SNAP91: variants seen among roughly 807,000 people sequenced by gnomAD.
The protein encoded by SNAP91 is clathrin coat assembly protein AP180.
In SNAP91, 27 loss-of-function variants were observed where a neutral mutation model predicts 100.3. The observed-to-expected ratio is 0.27, with a 90% CI of 0.20 to 0.37. SNAP91 has a LOEUF of 0.37. Ranked by LOEUF, SNAP91 falls within the 10% of genes least tolerant of loss-of-function variation. The pLI, the probability that SNAP91 is intolerant of heterozygous loss-of-function variation, is 1.00. For synonymous variants in SNAP91, 404 were observed against 398.6 expected (o/e 1.01, Z -0.16); for missense variants, 986 against 1,123.7 (o/e 0.88, Z 1.75).
chr6:83,556,397 A>AG (rs1562072085), intron 28 of SNAP91, among the ~76,000 whole-genome samples, 152 bp from the exon 29 acceptor site: 456 of 37,670 alleles, frequency 0.012, 9 homozygotes, highest in Non-Finnish European at 0.013. Context: ...GAGAGAGAGA[A>AG]AAGCATTAGG....
chr6:83,579,410 G>A (rs924043016), intron 24 of SNAP91, among the ~76,000 whole-genome samples: 14 of 152,082 alleles, frequency 9.2e-5, no homozygotes, highest in African/African-American at 2.7e-4. Context: ...ACCTCTCCCC[G>A]GGTGTCATAA....
chr6:83,580,851 G>A (rs1562197164), intron 23 of SNAP91, among the ~76,000 whole-genome samples: 1 of 152,212 alleles, frequency 6.6e-6, no homozygotes, highest in East Asian at 1.9e-4. Flanking sequence ...GTACAGGAAT[G>A]AACTGGGCTT....
At position 83,688,941 on chromosome 6, in the gene SNAP91, G is replaced by A. The variant is rs148680127; in HGVS notation, c.130+18857C>T. 6.6e-5 allele frequency among the ~76,000 whole-genome samples: 10 copies of A among 152,264 alleles called. No homozygotes were observed. The East Asian group carries it at 9.6e-4, about 15-fold the overall frequency. ...TATAAGGCTCCCACTAGAGGCTGCC[G>A]TGTCTTTTCTGTTTTCCTACATCAT... On this transcript the variant is annotated intron_variant, in intron 2 of 29. Transcript: ENST00000369694.
At chr6:83,555,832 C>A (rs189838635) in intron 29 of SNAP91, among the ~76,000 whole-genome samples, 234 of 152,184 alleles carry the variant, frequency 1.5e-3, no homozygotes, top group Non-Finnish European at 2.6e-3. Context: ...AAATTCAAGT[C>A]ATCATGTAAT....
At chr6:83,558,435 A>G (rs536705178) in intron 28 of SNAP91, among the ~76,000 whole-genome samples, 1 of 152,378 alleles carries the variant, frequency 6.6e-6, no homozygotes, top group Admixed American at 6.5e-5. Flanking sequence ...ATAGACTAGA[A>G]AATTTCTCCT....
At chr6:83,614,563 C>T (rs1485263538) in intron 11 of SNAP91, among the ~76,000 whole-genome samples, 1 of 151,786 alleles carries the variant, frequency 6.6e-6, no homozygotes, top group Non-Finnish European at 1.5e-5. Context: ...CTTTTGTTTA[C>T]TAAACAAATA....
intron 2 of SNAP91, among the ~76,000 whole-genome samples, chr6:83,698,521 T>C (rs967112093): frequency 1.3e-5 from 2 of 151,968 alleles, no homozygotes; most frequent in African/African-American, 4.8e-5. Context: ...CATATAAAGC[T>C]AGGATCCTCA....
intron 2 of SNAP91, among the ~76,000 whole-genome samples, chr6:83,685,401 C>T (rs961220884): frequency 1.3e-5 from 2 of 152,154 alleles, no homozygotes; most frequent in East Asian, 3.8e-4. Flanking sequence ...ATAAATACTT[C>T]GGCTTTCCTT....
intron 8 of SNAP91, among the ~76,000 whole-genome samples, chr6:83,625,504 GTA>G (rs1366421385): frequency 2.0e-5 from 3 of 152,054 alleles, no homozygotes; most frequent in Non-Finnish European, 4.4e-5. Flanking sequence ...CCCACCAACA[GTA>G]TATATGAGTT....
At chr6:83,605,315 A>G (rs181534044) in intron 14 of SNAP91, among the ~76,000 whole-genome samples, 1 of 152,324 alleles carries the variant, frequency 6.6e-6, no homozygotes, top group Non-Finnish European at 1.5e-5. Flanking sequence ...GTTACCTTTG[A>G]GTAACCATAA....
At chr6:83,605,265 C>T (rs866670927) in intron 14 of SNAP91, among the ~76,000 whole-genome samples, 20 of 152,004 alleles carry the variant, frequency 1.3e-4, no homozygotes, top group South Asian at 6.2e-4. Flanking sequence ...CTAAAAGAAT[C>T]CAGGAACGAG....
intron 24 of SNAP91, among the ~76,000 whole-genome samples, 197 bp downstream of exon 24, chr6:83,580,253 A>G (rs1442799216): frequency 6.6e-6 from 1 of 152,134 alleles, no homozygotes; most frequent in Non-Finnish European, 1.5e-5. Context: ...TCGTGAGCCA[A>G]TGGCATAGGA....
chr6:83,603,391 T>A (rs1046714107), intron 14 of SNAP91, among the ~76,000 whole-genome samples: 1 of 149,188 alleles, frequency 6.7e-6, no homozygotes, highest in African/African-American at 2.6e-5. Flanking sequence ...TGCCTTTTTG[T>A]GATTTTTTTT....
chr6:83,572,610 C>T (rs1166947739), intron 26 of SNAP91, among the ~76,000 whole-genome samples: 1 of 152,036 alleles, frequency 6.6e-6, no homozygotes, highest in African/African-American at 2.4e-5. Context: ...ATGTTCTCAC[C>T]ACCTTGCCTT....
At chr6:83,603,728 G>GT (rs769673155) in intron 14 of SNAP91, among the ~76,000 whole-genome samples, 6 of 152,080 alleles carry the variant, frequency 3.9e-5, no homozygotes, top group Non-Finnish European at 7.4e-5. Flanking sequence ...GGCTCACAGC[G>GT]TGACTATAGA....
At chr6:83,574,878 A>C in intron 26 of SNAP91, 132 bp downstream of exon 26, 1 of 581,192 alleles carries the variant, frequency 1.7e-6, no homozygotes, top group South Asian at 2.5e-5. Flanking sequence ...CTGGAGTGCT[A>C]CTTGCTTATA....
rs2098546491 is a variant in SNAP91, at chr6:83,661,717, C to A, written c.350-113G>T. 1.1e-5 allele frequency: 6 copies of A among 528,646 alleles called. No individual in the cohort carries two copies. The Admixed American group carries it at 1.5e-4, about 13-fold the overall frequency. 32.7% of individuals were successfully genotyped at this position (528,646 alleles called of 1,614,324 possible). A position where few individuals can be genotyped will look rare whatever the true frequency, so the allele number is the denominator to read the frequency against. ...AATGGTGATAGTCCTAGGATAGGGT[C>A]AATAACTGTATCAGATAGATCTCAT... On this transcript the variant is annotated intron_variant, in intron 4 of 29. Coordinates refer to ENST00000369694, the MANE Select transcript of SNAP91 (RefSeq NM_001242792.2).
At chr6:83,597,145 A>G (rs754677624) in intron 16 of SNAP91, among the ~76,000 whole-genome samples, 3 of 152,152 alleles carry the variant, frequency 2.0e-5, no homozygotes, top group Non-Finnish European at 4.4e-5. Context: ...CACCTGTCAG[A>G]AATTTTCTTA....
At chr6:83,654,121 T>C (rs150605909) in intron 7 of SNAP91, among the ~76,000 whole-genome samples, 2 of 152,258 alleles carry the variant, frequency 1.3e-5, no homozygotes, top group East Asian at 3.9e-4. Context: ...TATGACTGGG[T>C]TCCCTTGGAG....
Sources: gnomAD v4.1 joint callset for allele counts (sites outside exome capture counted in the v4.1 genomes callset) on GRCh38, gnomAD v4.1.1 for gene constraint, MANE v1.5 for transcripts, NCBI Gene and HGNC (gene_info 2026-07-23, HGNC 2026-07-21) for gene names.